PREX2: variants seen among roughly 807,000 people sequenced by gnomAD.
PREX2 encodes the protein phosphatidylinositol 3,4,5-trisphosphate-dependent Rac exchanger 2 protein.
A neutral mutation model predicts 203.2 loss-of-function variants in PREX2; 107 were observed. That is an observed-to-expected ratio of 0.53 (90% CI 0.45 to 0.62). The LOEUF is 0.62. Ranked by LOEUF, PREX2 falls within the 20% of genes least tolerant of loss-of-function variation. PREX2 has a pLI of 0.00. For synonymous variants in PREX2, 672 were observed against 663.6 expected (o/e 1.01, Z -0.19); for missense variants, 1,777 against 1,955.9 (o/e 0.91, Z 1.72).
At chr8:68,040,523 C>T (rs1415155155) in intron 7 of PREX2, among the ~76,000 whole-genome samples, 1 of 152,136 alleles carries the variant, frequency 6.6e-6, no homozygotes, top group East Asian at 1.9e-4. Context: ...GGCTGTTTCC[C>T]TTCCCAGTGT....
At chr8:68,044,025 A>G (rs1292853772) in intron 7 of PREX2, among the ~76,000 whole-genome samples, 1 of 152,152 alleles carries the variant, frequency 6.6e-6, no homozygotes, top group African/African-American at 2.4e-5. Flanking sequence ...ATAGCTGGAT[A>G]TCACTGAGCT....
At chr8:68,210,027 A>T (rs1033039924) in intron 37 of PREX2, among the ~76,000 whole-genome samples, 1 of 152,202 alleles carries the variant, frequency 6.6e-6, no homozygotes, top group African/African-American at 2.4e-5. Context: ...AGAGTTAAAA[A>T]TTGCCGCTCA....
intron 32 of PREX2, among the ~76,000 whole-genome samples, chr8:68,135,836 A>C (rs141782609): frequency 6.6e-6 from 1 of 152,224 alleles, no homozygotes; most frequent in Non-Finnish European, 1.5e-5. Context: ...ATGTCCATCA[A>C]CTGATGAATG....
At chr8:68,069,968 G>C in intron 13 of PREX2, 84 bp downstream of exon 13, 1 of 703,264 alleles carries the variant, frequency 1.4e-6, no homozygotes, top group South Asian at 2.3e-5. Context: ...GCCAGAACTT[G>C]TTGGCTTATT....
At position 68,055,864 on chromosome 8, in the gene PREX2, C is replaced by A; in HGVS notation, c.1128C>A (p.Val376=). 6.2e-7 allele frequency: 1 copy of A among 1,613,458 alleles called. No individual in the cohort carries two copies. Among genetic ancestry groups the A allele is most frequent in the South Asian group, 1.1e-5 (1 of 90,920 alleles). The change falls in exon 10 of 40, where the codon GTC becomes GTA. Residue 376 remains valine (V), a synonymous_variant. Transcript: ENST00000288368. ...TAGGAATGGAGCAAGATACCTGGGT[C>A]ATGATCTCTGAACAGGGTGAGAAAC... The part of the protein sequence containing the change: ...LKLGMEQDTW[V]MISEQGEKLY...
chr8:68,108,428 C>T, intron 24 of PREX2, 97 bp downstream of exon 24: 1 of 778,858 alleles, frequency 1.3e-6, no homozygotes, highest in Non-Finnish European at 2.1e-6. Context: ...ACCTGGTGTG[C>T]AAACAAGCAT....
At chr8:68,221,632 G>A (rs1433632434) in intron 38 of PREX2, among the ~76,000 whole-genome samples, 1 of 152,154 alleles carries the variant, frequency 6.6e-6, no homozygotes, top group East Asian at 1.9e-4. Context: ...AGTAGAGGGA[G>A]CAATGGCAAT....
chr8:68,087,849 GT>G, intron 19 of PREX2, 40 bp downstream of exon 19: 1 of 1,316,506 alleles, frequency 7.6e-7, no homozygotes, highest in Non-Finnish European at 1.1e-6. Context: ...TTTCCAGCAG[GT>G]TTGGGATGTG....
chr8:68,146,451 AT>A, intron 34 of PREX2, 99 bp downstream of exon 34: 1 of 1,058,624 alleles, frequency 9.4e-7, no homozygotes, highest in Non-Finnish European at 1.4e-6. Flanking sequence ...TTTTAAATTA[AT>A]TTGAAAATAT....
intron 32 of PREX2, 65 bp from the exon 33 acceptor site, chr8:68,138,350 A>G (rs1409080960): frequency 3.7e-6 from 3 of 820,830 alleles, no homozygotes; most frequent in Non-Finnish European, 5.6e-6. Context: ...AATTTACATT[A>G]TGTCATGTTA....
In PREX2 at chr8:68,019,539, T is replaced by C; in HGVS notation, c.214-10T>C. On this transcript the variant is annotated splice_polypyrimidine_tract_variant and intron_variant, in intron 2 of 39. Coordinates refer to ENST00000288368, the MANE Select transcript of PREX2 (RefSeq NM_024870.4). ...CTACTGAGCTTACTTACACATTTGT[T>C]TATTTACAGATGTTGTTCTCAAACA... 1 of 1,601,670 alleles carries C rather than the reference T, an allele frequency of 6.2e-7. No individual in the cohort carries two copies. The highest frequency in any genetic ancestry group is 8.5e-7 in the Non-Finnish European group (1 of 1,174,748).
intron 1 of PREX2, among the ~76,000 whole-genome samples, chr8:67,966,734 AAATAACC>A (rs1345551526): frequency 6.6e-6 from 1 of 152,246 alleles, no homozygotes; most frequent in Non-Finnish European, 1.5e-5. Flanking sequence ...GCAACCTAAA[AAATAACC>A]CCTAATATGC....
intron 1 of PREX2, among the ~76,000 whole-genome samples, chr8:67,992,613 C>T (rs6472366): frequency 0.49 from 74,837 of 152,036 alleles, 18,800 homozygotes; most frequent in South Asian, 0.61. Context: ...GTACAGCATA[C>T]AGTGGTTTAG....
intron 31 of PREX2, 91 bp downstream of exon 31, chr8:68,127,510 C>A: frequency 2.4e-6 from 2 of 818,662 alleles, no homozygotes; most frequent in Non-Finnish European, 4.1e-6. Context: ...ACGCCTTCAA[C>A]CATTTACAAA....
chr8:67,979,575 A>G (rs1291279523), intron 1 of PREX2, among the ~76,000 whole-genome samples: 2 of 152,192 alleles, frequency 1.3e-5, no homozygotes, highest in African/African-American at 4.8e-5. Context: ...GACAAAAATA[A>G]ATGACATGGA....
At chr8:68,002,354 C>T (rs1242601197) in intron 1 of PREX2, among the ~76,000 whole-genome samples, 1 of 152,034 alleles carries the variant, frequency 6.6e-6, no homozygotes, top group African/African-American at 2.4e-5. Context: ...GCCATGTTGG[C>T]CAGGCTGGTC....
At chr8:68,203,592 C>T (rs561302025) in intron 37 of PREX2, among the ~76,000 whole-genome samples, 6 of 152,232 alleles carry the variant, frequency 3.9e-5, no homozygotes, top group African/African-American at 1.4e-4. Context: ...GTTTTAGGAG[C>T]AGGTATTCCA....
intron 7 of PREX2, among the ~76,000 whole-genome samples, chr8:68,039,835 C>G (rs1188305841): frequency 6.6e-6 from 1 of 152,140 alleles, no homozygotes; most frequent in Non-Finnish European, 1.5e-5. Flanking sequence ...ATCATTACTA[C>G]TCTGCTCCAG....
rs182127038 is a variant in PREX2, at chr8:67,994,875, G to A, written c.142-22971G>A. ...ATATGAAATCCAAGAAATATACTTG[G>A]AGAGGAGGCAGGGGTTAGATCCTAT... On this transcript the variant is annotated intron_variant, in intron 1 of 39. Transcript: ENST00000288368. Among the ~76,000 whole-genome samples, 8 of 152,304 alleles carry A rather than the reference G, an allele frequency of 5.3e-5. No individual in the cohort carries two copies. The East Asian group carries it at 1.5e-3, about 29-fold the overall frequency.
Sources: gnomAD v4.1 joint callset for allele counts (sites outside exome capture counted in the v4.1 genomes callset) on GRCh38, gnomAD v4.1.1 for gene constraint, MANE v1.5 for transcripts, NCBI Gene and HGNC (gene_info 2026-07-23, HGNC 2026-07-21) for gene names.